Variants in SARS1 observed in about 807,000 individuals in gnomAD.
SARS1 encodes seryl-tRNA synthetase 1.
SARS1 carries 25 observed loss-of-function variants against 63.7 expected under a neutral mutation model. That is an observed-to-expected ratio of 0.39 (90% CI 0.29 to 0.55). The LOEUF (loss-of-function observed/expected upper bound fraction) is 0.55. Ranked by LOEUF, SARS1 falls within the 20% of genes least tolerant of loss-of-function variation. The pLI is 0.62. For missense variants in SARS1, 417 were observed against 649.7 expected (o/e 0.64, Z 3.89); for synonymous variants, 231 against 243.5 (o/e 0.95, Z 0.48).
intron 2 of SARS1, 110 bp downstream of exon 2, chr1:109,224,158 G>A (rs1426512935): frequency 1.6e-5 from 13 of 818,912 alleles, no homozygotes; most frequent in Non-Finnish European, 2.0e-5. Flanking sequence ...TCTACAAGAT[G>A]TTCAATTTCT....
At chr1:109,233,968 C>T (rs1292777922) in intron 6 of SARS1, among the ~76,000 whole-genome samples, 1 of 143,638 alleles carries the variant, frequency 7.0e-6, no homozygotes, top group East Asian at 2.2e-4. Context: ...GCACCGAGTT[C>T]AAGGGATTAT....
At chr1:109,221,960 T>TTTTTTTTGTGTG (rs771565091) in intron 1 of SARS1, among the ~76,000 whole-genome samples, 1 of 10,060 alleles carries the variant, frequency 9.9e-5, no homozygotes, top group African/African-American at 1.5e-4. Flanking sequence ...GCTAATTTTT[T>TTTTTTTTGTGTG]TGTGTGTGTG....
rs1203207477 is a variant in SARS1 at position 109,237,760 on chromosome 1, C to G, written c.1417C>G (p.Pro473Ala). ...GLQELIPFVK[P>A]APIEQEPSKK... ...GCAAGAACTGATCCCCTTTGTGAAG[C>G]CTGCGCCCATTGAGCAGGAGCCATC... Residue 473 changes from proline (P) to alanine (A), a missense_variant, in exon 11 of 11, where the codon CCT becomes GCT. Around this residue, in one of 3 missense-constraint regions of SARS1, gnomAD observed 43 missense variants for 68.1 expected, o/e 0.63. Coordinates refer to ENST00000234677, the MANE Select transcript of SARS1 (RefSeq NM_006513.4). This position sits in a 1 kb window ranked among gnomAD's most constrained non-coding sequence, Gnocchi z 4.1. The G allele has an allele frequency of 6.2e-7, 1 of 1,614,164 alleles. No individual in the cohort carries two copies. The highest frequency in any genetic ancestry group is 2.2e-5 in the East Asian group (1 of 44,876).
chr1:109,218,066 G>A (rs1438027425), intron 1 of SARS1, among the ~76,000 whole-genome samples: 6 of 151,680 alleles, frequency 4.0e-5, no homozygotes, highest in Non-Finnish European at 8.8e-5. Flanking sequence ...GGTGGGGGGC[G>A]CCTGTAGTCC....
Position 109,214,473 on chromosome 1 carries a change from C to A in SARS1, c.136+345C>A. 1.0e-6 allele frequency: 1 copy of A among 1,001,672 alleles called. No individual in the cohort carries two copies. The allele number at this position is 1,001,672 out of a possible 1,614,324, so 62.0% of individuals were successfully genotyped here. ...TGTGGGGTCTACGCGGCTTTCCTAA[C>A]ACGAATCTTTGGTCCCCCCCAGTCT... On this transcript the variant is annotated intron_variant, in intron 1 of 10. Transcript: ENST00000234677. This position sits in a 1 kb window ranked among gnomAD's most constrained non-coding sequence, Gnocchi z 4.6.
At chr1:109,220,792 C>G (rs925720970) in intron 1 of SARS1, among the ~76,000 whole-genome samples, 1 of 152,048 alleles carries the variant, frequency 6.6e-6, no homozygotes, top group Non-Finnish European at 1.5e-5. Context: ...AATTTGTATT[C>G]TGTTTTGAAA....
chr1:109,231,892 C>T (rs906170855), intron 6 of SARS1, 106 bp downstream of exon 6: 6 of 964,318 alleles, frequency 6.2e-6, no homozygotes, highest in South Asian at 6.4e-5. Flanking sequence ...ATGATGGAAA[C>T]GTTCTCTCTC....
rs192876034 is a variant in SARS1 at position 109,219,809 on chromosome 1, G to A, written c.137-4169G>A. ...ATTACAGGCATGAGCCACCGCGCCC[G>A]GCATGGCTTCTTTCTTTCAAGATTA... On this transcript the variant is annotated intron_variant, in intron 1 of 10. Transcript: ENST00000234677. 9.2e-5 allele frequency among the ~76,000 whole-genome samples: 14 copies of A among 152,194 alleles called. No homozygotes were observed. The East Asian group carries it at 9.7e-4, about 10-fold the overall frequency.
At position 109,231,706 on chromosome 1, in the gene SARS1, A is replaced by G. The variant is rs1655214770; in HGVS notation, c.667A>G (p.Ile223Val). The G allele has an allele frequency of 6.3e-7, 1 of 1,596,962 alleles. No homozygotes were observed. The highest frequency in any genetic ancestry group is 1.7e-5 in the Admixed American group (1 of 57,368). The change falls in exon 6 of 11, where the codon ATT (isoleucine) becomes GTT (valine). Residue 223 changes from isoleucine to valine, a missense_variant. Physicochemically the swap from Ile to Val is conservative, Grantham distance 29. Around this residue, in one of 3 missense-constraint regions of SARS1, gnomAD observed 359 missense variants for 529.6 expected, o/e 0.68. Transcript: ENST00000234677. ...CTTGGGAAGTCGGGGCTACATTCCC[A>G]TTTATACCCCCTTTTTCATGAGGAA... ...RTLGSRGYIP[I>V]YTPFFMRKEV...
intron 5 of SARS1, 139 bp downstream of exon 5, chr1:109,231,160 C>A: frequency 4.3e-6 from 2 of 469,386 alleles, no homozygotes; most frequent in Non-Finnish European, 3.2e-6. Context: ...TGCCTTTCTG[C>A]AAATGTATTG....
intron 1 of SARS1, among the ~76,000 whole-genome samples, chr1:109,218,235 C>T (rs1270295415): frequency 4.5e-5 from 6 of 134,700 alleles, no homozygotes; most frequent in African/African-American, 1.7e-4. Flanking sequence ...GGCGTGGTGG[C>T]GGGCGCCTGT....
chr1:109,236,942 A>G, intron 9 of SARS1: 7 of 1,516,110 alleles, frequency 4.6e-6, no homozygotes, highest in Non-Finnish European at 6.2e-6. Flanking sequence ...GGTGCTTGAA[A>G]GGGGTGAAAA....
chr1:109,227,282 C>T (rs1254607335), intron 2 of SARS1, among the ~76,000 whole-genome samples: 3 of 152,074 alleles, frequency 2.0e-5, no homozygotes, highest in African/African-American at 7.2e-5. Flanking sequence ...CATGAGCCAC[C>T]GTGCCCTGCC....
At position 109,235,490 on chromosome 1, in the gene SARS1, G is replaced by A; in HGVS notation, c.969+59G>A. On this transcript the variant is annotated intron_variant, in intron 7 of 10. Transcript: ENST00000234677. The surrounding 1 kb of genome is among the most constrained non-coding windows in gnomAD (Gnocchi z 4.7). ...TTCTCTGTCTCCAGAATGGTTAGAT[G>A]AGAGATAGGATCTGTGTTGCTGAGG... The A allele has an allele frequency of 1.5e-6, 2 of 1,357,982 alleles. No homozygotes were observed. The highest frequency in any genetic ancestry group is 2.1e-6 in the Non-Finnish European group (2 of 971,342). The allele number at this position is 1,357,982 out of a possible 1,614,324, so 84.1% of individuals were successfully genotyped here.
chr1:109,226,142 T>C (rs1437185534), intron 2 of SARS1, among the ~76,000 whole-genome samples: 1 of 146,408 alleles, frequency 6.8e-6, no homozygotes, highest in Non-Finnish European at 1.5e-5. Context: ...CACACTCGGC[T>C]AATTTTTTTT....
upstream of SARS1, chr1:109,213,893 A>T: frequency 1.4e-6 from 2 of 1,438,424 alleles, no homozygotes; most frequent in Non-Finnish European, 9.2e-7. Flanking sequence ...GCGCCTGCGC[A>T]GGAAGGGCGG....
intron 6 of SARS1, among the ~76,000 whole-genome samples, chr1:109,233,010 G>C (rs1570762431): frequency 6.6e-6 from 1 of 152,140 alleles, no homozygotes; most frequent in Non-Finnish European, 1.5e-5. Flanking sequence ...CCTCAGTTCT[G>C]TAAGAATGAA....
rs1655336117 is a variant in SARS1 at position 109,237,401 on chromosome 1, C to G, written c.1387+28C>G. On this transcript the variant is annotated intron_variant, in intron 10 of 10. Coordinates refer to ENST00000234677, the MANE Select transcript of SARS1 (RefSeq NM_006513.4). The surrounding 1 kb of genome is among the most constrained non-coding windows in gnomAD (Gnocchi z 4.1). ...AAAACTCCCAGCTCATCTCATCGTT[C>G]TCCTCTTTTCTGTCTTCACACTCTT... is the stretch of plus-strand genomic sequence containing the variant. 4 of 1,613,952 alleles carry G rather than the reference C, an allele frequency of 2.5e-6. No homozygotes were observed. The highest frequency in any genetic ancestry group is 1.6e-4 in the Middle Eastern group (1 of 6,084).
intron 6 of SARS1, among the ~76,000 whole-genome samples, chr1:109,232,518 G>A (rs2101203260): frequency 6.6e-6 from 1 of 152,316 alleles, no homozygotes; most frequent in South Asian, 2.1e-4. Flanking sequence ...AGTGGAGGTA[G>A]AGTTAGACAA....
Sources: gnomAD v4.1 joint callset for allele counts (sites outside exome capture counted in the v4.1 genomes callset) on GRCh38, gnomAD v4.1.1 for gene constraint, gnomAD v4.1.1 regional missense constraint, Gnocchi (gnomAD v3.1) non-coding constraint, MANE v1.5 for transcripts, NCBI Gene and HGNC (gene_info 2026-07-23, HGNC 2026-07-21) for gene names.